HECW1: variants seen among roughly 807,000 people sequenced by gnomAD.
HECW1 encodes HECT, C2 and WW domain containing E3 ubiquitin protein ligase 1, also known as E3 ubiquitin-protein ligase HECW1.
Under a neutral mutation model 182.3 loss-of-function variants are expected in HECW1, and 61 were observed. The ratio of observed to expected loss-of-function variants is 0.33; its 90% CI spans 0.27 to 0.41. HECW1 has a LOEUF of 0.41. Ranked by LOEUF, HECW1 falls within the 10% of genes least tolerant of loss-of-function variation. The probability of loss-of-function intolerance (pLI) is 1.00; values close to 1 mark genes in which losing one functional copy is unlikely to be tolerated. For missense variants in HECW1, 1,739 were observed against 2,108.9 expected (o/e 0.82, Z 3.44); for synonymous variants, 859 against 832.6 (o/e 1.03, Z -0.55).
intron 5 of HECW1, among the ~76,000 whole-genome samples, chr7:43,358,685 T>A (rs770560372): frequency 6.6e-6 from 1 of 152,226 alleles, no homozygotes; most frequent in African/African-American, 2.4e-5. Flanking sequence ...ATTTTAAGCC[T>A]ATTTTTAAGT....
Position 43,550,489 on chromosome 7 carries a change from G to T in HECW1, c.4293G>T (p.Val1431=). The T allele has an allele frequency of 6.2e-7, 1 of 1,614,156 alleles. No individual in the cohort carries two copies. The highest frequency in any genetic ancestry group is 8.5e-7 in the Non-Finnish European group (1 of 1,180,014). The change falls in exon 27 of 30, where the codon GTG becomes GTT. Residue 1431 remains valine (V), a synonymous_variant. Coordinates refer to ENST00000395891, the MANE Select transcript of HECW1 (RefSeq NM_015052.5). ...ELKSGGANTQ[V]TEKNKKEYIE... is the part of the protein sequence containing the mutation. ...AGTCTGGAGGAGCCAACACACAGGT[G>T]ACGGAGAAAAACAAGAAGGAGTACA...
intron 3 of HECW1, among the ~76,000 whole-genome samples, chr7:43,264,786 G>A (rs1402620214): frequency 2.0e-5 from 3 of 150,116 alleles, no homozygotes; most frequent in Admixed American, 2.0e-4. Flanking sequence ...GGAGCTTGCA[G>A]TGAGCCGAGA....
intron 24 of HECW1, chr7:43,509,361 G>A: frequency 2.3e-6 from 1 of 428,386 alleles, no homozygotes; most frequent in Non-Finnish European, 4.1e-6. Context: ...AAGAATAATT[G>A]CCTACTGAGA....
At chr7:43,554,235 A>G (rs2081946236) in intron 28 of HECW1, among the ~76,000 whole-genome samples, 1 of 152,244 alleles carries the variant, frequency 6.6e-6, no homozygotes, top group Non-Finnish European at 1.5e-5. Flanking sequence ...GCAATATTAT[A>G]TTCATAGGCC....
intron 7 of HECW1, 87 bp downstream of exon 7, chr7:43,396,976 A>G: frequency 1.0e-6 from 1 of 963,810 alleles, no homozygotes; most frequent in South Asian, 1.3e-5. Context: ...ACTCTTACCT[A>G]CAAGTCAGTC....
intron 8 of HECW1, among the ~76,000 whole-genome samples, chr7:43,421,006 A>G (rs531654721): frequency 2.0e-5 from 3 of 151,900 alleles, no homozygotes; most frequent in African/African-American, 7.2e-5. Context: ...AAAAGAAAAG[A>G]AAAAAAAAGC....
At chr7:43,240,289 G>GCTTCAGGTTTC (rs1160156328) in intron 2 of HECW1, among the ~76,000 whole-genome samples, 1 of 152,154 alleles carries the variant, frequency 6.6e-6, no homozygotes, top group African/African-American at 2.4e-5. Flanking sequence ...AGTGAGCCGA[G>GCTTCAGGTTTC]ATCTGGCCAC....
chr7:43,138,028 C>A (rs969619701), intron 2 of HECW1, among the ~76,000 whole-genome samples: 5 of 151,024 alleles, frequency 3.3e-5, no homozygotes, highest in Non-Finnish European at 5.9e-5. Context: ...TTTGTAAATT[C>A]TTTTGCATCT....
At chr7:43,379,573 C>T (rs912730012) in intron 6 of HECW1, among the ~76,000 whole-genome samples, 1 of 152,178 alleles carries the variant, frequency 6.6e-6, no homozygotes, top group African/African-American at 2.4e-5. Context: ...TGCTGCTCTG[C>T]CCTTGCCTGA....
chr7:43,305,724 C>T (rs1292278498), intron 3 of HECW1, among the ~76,000 whole-genome samples: 2 of 151,836 alleles, frequency 1.3e-5, no homozygotes, highest in Admixed American at 6.6e-5. Flanking sequence ...GCCACAGCTT[C>T]AGCAGCTGCG....
At chr7:43,268,584 C>T (rs1021682879) in intron 3 of HECW1, among the ~76,000 whole-genome samples, 1 of 152,182 alleles carries the variant, frequency 6.6e-6, no homozygotes, top group African/African-American at 2.4e-5. Flanking sequence ...GCTGTATCTG[C>T]CCCAAAATGT....
In HECW1 at chr7:43,182,826, T is replaced by C. The variant is rs542293785; in HGVS notation, c.-31-61049T>C. ...CCAGTCAATGAACATGGGATATCTT[T>C]CCATGTATTTGTGTCCTCTTCAATT... On this transcript the variant is annotated intron_variant, in intron 2 of 29. Transcript: ENST00000395891. 2.1e-4 allele frequency among the ~76,000 whole-genome samples: 32 copies of C among 152,330 alleles called. 3 individuals are homozygous for C. The South Asian group carries it at 6.0e-3, about 29-fold the overall frequency.
At chr7:43,549,064 T>C (rs949167836) in intron 26 of HECW1, among the ~76,000 whole-genome samples, 3 of 152,158 alleles carry the variant, frequency 2.0e-5, no homozygotes, top group African/African-American at 7.2e-5. Flanking sequence ...GCGTACAGCA[T>C]CCCAACCATC....
At chr7:43,200,007 G>A (rs1222967265) in intron 2 of HECW1, among the ~76,000 whole-genome samples, 2 of 152,168 alleles carry the variant, frequency 1.3e-5, no homozygotes, top group Admixed American at 6.5e-5. Flanking sequence ...GTCACTAAGC[G>A]TCGCTCAATT....
intron 25 of HECW1, 126 bp downstream of exon 25, chr7:43,541,387 G>C (rs558034895): frequency 6.3e-5 from 44 of 702,550 alleles, no homozygotes; most frequent in Middle Eastern, 3.6e-4. Context: ...GGTTATGGTG[G>C]CTTCCTGTTC....
intron 15 of HECW1, among the ~76,000 whole-genome samples, chr7:43,466,893 C>G (rs918176612): frequency 1.3e-5 from 2 of 152,086 alleles, no homozygotes; most frequent in Admixed American, 1.3e-4. Flanking sequence ...TTCCCTTCAG[C>G]CTAATCATTT....
At chr7:43,119,003 C>T (rs1455745600) in intron 2 of HECW1, 1 of 152,204 alleles carries the variant, frequency 6.6e-6, no homozygotes, top group Non-Finnish European at 1.5e-5. Flanking sequence ...ATCTCAGCCT[C>T]TAAAGACATA....
intron 3 of HECW1, among the ~76,000 whole-genome samples, chr7:43,310,881 C>A (rs1808415978): frequency 6.6e-6 from 1 of 152,080 alleles, no homozygotes; most frequent in South Asian, 2.1e-4. Flanking sequence ...TAACCAGGAC[C>A]CCCCAAAAAT....
At chr7:43,161,942 C>T (rs1440775896) in intron 2 of HECW1, among the ~76,000 whole-genome samples, 3 of 152,204 alleles carry the variant, frequency 2.0e-5, no homozygotes, top group African/African-American at 4.8e-5. Flanking sequence ...CATGGGCTTG[C>T]GCCTTTCACC....
Sources: gnomAD v4.1 joint callset for allele counts (sites outside exome capture counted in the v4.1 genomes callset) on GRCh38, gnomAD v4.1.1 for gene constraint, MANE v1.5 for transcripts, NCBI Gene and HGNC (gene_info 2026-07-23, HGNC 2026-07-21) for gene names.